PATJ: variants seen among roughly 807,000 people sequenced by gnomAD.
The protein encoded by PATJ is PATJ crumbs cell polarity complex component.
Under a neutral mutation model 224.9 loss-of-function variants are expected in PATJ, and 190 were observed. That is an observed-to-expected ratio of 0.84 (90% CI 0.75 to 0.95). PATJ has a LOEUF of 0.95. Ranked by LOEUF, PATJ falls within the 40% of genes least tolerant of loss-of-function variation. The pLI is 0.00. For synonymous variants in PATJ, 769 were observed against 820.3 expected (o/e 0.94, Z 1.07); for missense variants, 2,121 against 2,270.3 (o/e 0.93, Z 1.34).
chr1:61,915,959 T>G (rs1005227215), intron 26 of PATJ, among the ~76,000 whole-genome samples: 2 of 152,166 alleles, frequency 1.3e-5, no homozygotes, highest in Non-Finnish European at 2.9e-5. Context: ...CCTCCCAAAG[T>G]GCTTGGATTA....
intron 29 of PATJ, among the ~76,000 whole-genome samples, chr1:62,020,506 T>G (rs1231229050): frequency 6.6e-6 from 1 of 152,246 alleles, no homozygotes; most frequent in Non-Finnish European, 1.5e-5. Context: ...AAAGAAAGGT[T>G]AAATAATTTG....
Position 61,884,318 on chromosome 1 carries a change from T to A in PATJ, c.3041T>A (p.Leu1014Ter). 1 of 1,613,830 alleles carries A rather than the reference T, an allele frequency of 6.2e-7. No individual in the cohort carries two copies. The highest frequency in any genetic ancestry group is 8.5e-7 in the Non-Finnish European group (1 of 1,179,906). ...GCTCAAAGGAGGGAGCAAGAAGATT[T>A]GCCTTTATATCAACACCAAGCGACA... The part of the protein sequence containing the change: ...VVAQRREQED[L>*]PLYQHQATRV... Residue 1014 changes from leucine (L) to a stop codon, truncating the protein, a stop_gained, in exon 22 of 44, where the codon TTG becomes TAG. Transcript: ENST00000642238. LOFTEE classifies it high-confidence loss of function.
At chr1:61,832,605 T>C (rs1659536199) in intron 16 of PATJ, among the ~76,000 whole-genome samples, 1 of 152,178 alleles carries the variant, frequency 6.6e-6, no homozygotes, top group African/African-American at 2.4e-5. Context: ...TTTTAATGTA[T>C]TGAACAACTA....
rs191015030 is a variant in PATJ at position 62,024,445 on chromosome 1, C to T, written c.3959+6498C>T. 5.7e-4 allele frequency among the ~76,000 whole-genome samples: 86 copies of T among 152,160 alleles called. 1 individual carries two copies. The highest frequency in any genetic ancestry group is 2.0e-3 in the African/African-American group (82 of 41,492). On this transcript the variant is annotated intron_variant, in intron 29 of 43. Transcript: ENST00000642238. ...AGAATTGGTAATTTTTTCTTTGCTA[C>T]GTCCATTCCTTAATATAATACCTGC...
At chr1:62,134,199 C>T (rs1472222381) in intron 41 of PATJ, among the ~76,000 whole-genome samples, 2 of 146,868 alleles carry the variant, frequency 1.4e-5, no homozygotes, top group Non-Finnish European at 3.0e-5. Flanking sequence ...TCACCGTACT[C>T]TCGTCTTTTT....
chr1:61,760,832 C>T (rs1329416115), intron 1 of PATJ, among the ~76,000 whole-genome samples: 1 of 151,926 alleles, frequency 6.6e-6, no homozygotes, highest in Non-Finnish European at 1.5e-5. Context: ...AGGCTGGTCT[C>T]GAATTCCTGA....
chr1:61,797,913 G>A (rs1570562906), intron 11 of PATJ, among the ~76,000 whole-genome samples: 1 of 150,286 alleles, frequency 6.7e-6, no homozygotes, highest in South Asian at 2.1e-4. Context: ...AGTGATTCTC[G>A]TGCCTCAGCC....
chr1:62,125,252 A>ACC (rs1478987046), intron 39 of PATJ, among the ~76,000 whole-genome samples: 6 of 94,820 alleles, frequency 6.3e-5, no homozygotes, highest in Non-Finnish European at 1.1e-4. Context: ...AAAAAAAAAA[A>ACC]ACAAAAAAAA....
intron 27 of PATJ, 48 bp downstream of exon 27, chr1:61,927,877 A>T (rs1675454366): frequency 7.8e-7 from 1 of 1,275,548 alleles, no homozygotes; most frequent in African/African-American, 1.5e-5. Context: ...TTATTAAATT[A>T]TGTTTTAACG....
At chr1:61,934,976 A>G (rs1175373329) in intron 27 of PATJ, among the ~76,000 whole-genome samples, 1 of 152,180 alleles carries the variant, frequency 6.6e-6, no homozygotes, top group Non-Finnish European at 1.5e-5. Flanking sequence ...CTTATCTAAA[A>G]GCTTCAGTCT....
Position 61,952,274 on chromosome 1 carries a change from GAGAGAA to G in PATJ, c.3670+24447_3670+24452del, listed in dbSNP as rs1350647087. ...AATCTGAGAGAGAGAGAGAGAGAGA[GAGAGAA>G]AAATAGGCCCAAGGTCGTCAGAAGA... On this transcript the variant is annotated intron_variant, in intron 27 of 43. Coordinates refer to ENST00000642238, the MANE Select transcript of PATJ (RefSeq NM_001350145.3). The G allele has an allele frequency of 4.4e-4, 270 of 615,092 alleles. 4 individuals are homozygous for G. In the Middle Eastern group the frequency reaches 5.9e-3, roughly 14 times the overall value. The allele number at this position is 615,092 out of a possible 1,614,324, so 38.1% of individuals were successfully genotyped here. A position where few individuals can be genotyped will look rare whatever the true frequency, so the allele number is the denominator to read the frequency against.
chr1:61,856,190 A>G lies in PATJ; in HGVS notation c.2273A>G (p.Lys758Arg). The stretch of plus-strand genomic sequence containing the variant: ...CTTGCTGAAGCTGTGGAAATATTGA[A>G]AGCTGTGCCACCAGGCCTAGTACAC... ...TSLAEAVEIL[K>R]AVPPGLVHLG... Residue 758 changes from lysine (K) to arginine (R), a missense_variant, in exon 18 of 44, where the codon AAA becomes AGA. Coordinates refer to ENST00000642238, the MANE Select transcript of PATJ (RefSeq NM_001350145.3). 6.2e-7 allele frequency: 1 copy of G among 1,614,136 alleles called. No individual in the cohort carries two copies. The highest frequency in any genetic ancestry group is 2.2e-5 in the East Asian group (1 of 44,870).
chr1:61,930,950 G>A (rs569485584), intron 27 of PATJ, among the ~76,000 whole-genome samples: 5 of 152,254 alleles, frequency 3.3e-5, no homozygotes, highest in South Asian at 2.1e-4. Flanking sequence ...TGATCCGCCC[G>A]CCTCGACCTC....
intron 7 of PATJ, among the ~76,000 whole-genome samples, chr1:61,779,487 CTGTT>C (rs1647125612): frequency 1.3e-5 from 2 of 152,234 alleles, no homozygotes; most frequent in Admixed American, 6.5e-5. Flanking sequence ...TTAAAGTCAA[CTGTT>C]TGTATATGCT....
chr1:61,760,358 A>C (rs1645894334), intron 1 of PATJ, among the ~76,000 whole-genome samples: 1 of 152,182 alleles, frequency 6.6e-6, no homozygotes, highest in African/African-American at 2.4e-5. Context: ...TCATTCAGCC[A>C]CCATATCCAG....
At chr1:61,997,332 A>G (rs1645424763) in intron 28 of PATJ, among the ~76,000 whole-genome samples, 1 of 152,182 alleles carries the variant, frequency 6.6e-6, no homozygotes, top group Non-Finnish European at 1.5e-5. Context: ...TCACAACTCT[A>G]AAAGTCACCA....
intron 31 of PATJ, among the ~76,000 whole-genome samples, chr1:62,059,989 G>C (rs920150484): frequency 1.3e-5 from 2 of 152,186 alleles, no homozygotes; most frequent in Non-Finnish European, 1.5e-5. Context: ...GAGCAGATTT[G>C]TGTGGGAAGA....
intron 31 of PATJ, among the ~76,000 whole-genome samples, chr1:62,065,520 A>G (rs752703457): frequency 1.1e-4 from 16 of 152,156 alleles, no homozygotes; most frequent in Non-Finnish European, 2.2e-4. Flanking sequence ...GCTGAGGCAA[A>G]TCGCTTGATC....
At chr1:61,891,062 A>G (rs1390633339) in intron 22 of PATJ, among the ~76,000 whole-genome samples, 1 of 151,988 alleles carries the variant, frequency 6.6e-6, no homozygotes. Flanking sequence ...AAAAAATGTA[A>G]TAGGATCAAA....
Sources: gnomAD v4.1 joint callset for allele counts (sites outside exome capture counted in the v4.1 genomes callset) on GRCh38, gnomAD v4.1.1 for gene constraint, MANE v1.5 for transcripts, NCBI Gene and HGNC (gene_info 2026-07-23, HGNC 2026-07-21) for gene names.